CCDC28B: variants seen among roughly 807,000 people sequenced by gnomAD.
CCDC28B encodes coiled-coil domain-containing protein 28B.
CCDC28B carries 17 observed loss-of-function variants against 18.7 expected under a neutral mutation model. The observed-to-expected ratio is 0.91, with a 90% CI of 0.62 to 1.36. The LOEUF (loss-of-function observed/expected upper bound fraction) is 1.36, where lower values mean the gene tolerates loss of function less well. Ranked by LOEUF, CCDC28B falls within the 40% of genes most tolerant of loss-of-function variation. CCDC28B has a pLI of 0.00. For synonymous variants in CCDC28B, 116 were observed against 105.1 expected, an observed-to-expected ratio of 1.10 and a Z score of -0.64; for missense variants, 213 against 251.7, an observed-to-expected ratio of 0.85 and a Z score of 1.04.
upstream of CCDC28B, among the ~76,000 whole-genome samples, chr1:32,199,244 C>T (rs1643094840): frequency 6.6e-6 from 1 of 152,198 alleles, no homozygotes; most frequent in Non-Finnish European, 1.5e-5. Context: ...CAGGCCTCCA[C>T]AAATAGATGT....
intron 5 of CCDC28B, 103 bp downstream of exon 5, chr1:32,204,723 C>T (rs1054656478): frequency 1.2e-6 from 2 of 1,614,056 alleles, no homozygotes; most frequent in Non-Finnish European, 1.7e-6. Context: ...ACTTCCCCAC[C>T]TCTTGCAGTC....
upstream of CCDC28B, chr1:32,197,805 C>T (rs1032484316): frequency 3.3e-5 from 5 of 152,116 alleles, no homozygotes; most frequent in Non-Finnish European, 7.3e-5. The surrounding 1 kb of genome is among the most constrained non-coding windows in gnomAD (Gnocchi z 4.6). Flanking sequence ...TGAGAGGTGT[C>T]AGCAGCACTT....
chr1:32,199,217 C>T (rs1643093500), upstream of CCDC28B, among the ~76,000 whole-genome samples: 1 of 152,190 alleles, frequency 6.6e-6, no homozygotes. Context: ...CAGAGACAAC[C>T]CACCTGCCCT....
intron 2 of CCDC28B, among the ~76,000 whole-genome samples, 187 bp from the exon 3 acceptor site, chr1:32,203,692 C>G (rs1295930938): frequency 6.6e-6 from 1 of 152,186 alleles, no homozygotes; most frequent in Non-Finnish European, 1.5e-5. Context: ...GACCTCTTCA[C>G]GCCTCCTCAC....
chr1:32,202,320 G>A (rs1007021911), intron 2 of CCDC28B: 15 of 695,930 alleles, frequency 2.2e-5, no homozygotes, highest in South Asian at 4.5e-5. Context: ...GTGAGGATTC[G>A]CCTCAGAGGA....
chr1:32,205,137 G>A lies in CCDC28B; in HGVS notation c.549-57G>A. 6.2e-7 allele frequency: 1 copy of A among 1,601,128 alleles called. No homozygotes were observed. The highest frequency in any genetic ancestry group is 8.5e-7 in the Non-Finnish European group (1 of 1,170,694). On this transcript the variant is annotated intron_variant, in intron 5 of 5. Transcript: ENST00000373602. This position sits in a 1 kb window ranked among gnomAD's most constrained non-coding sequence, Gnocchi z 5.6. ...AGGGAACTAAACCTGTGCAAGATGG[G>A]AGACCGGGGTGGGAGGAAGGACTGG...
chr1:32,205,043 G>A lies in CCDC28B; in HGVS notation c.549-151G>A. On this transcript the variant is annotated intron_variant, in intron 5 of 5. Transcript: ENST00000373602. The surrounding 1 kb of genome is among the most constrained non-coding windows in gnomAD (Gnocchi z 5.6). ...ATGAAGAGAGAGGGGGTGAGAGAGG[G>A]CAGGCGGGGACTGCAACCTCAGTCC... 1 of 1,178,886 alleles carries A rather than the reference G, an allele frequency of 8.5e-7. No individual in the cohort carries two copies. Among genetic ancestry groups the A allele is most frequent in the South Asian group, 1.6e-5 (1 of 63,130 alleles). 73.0% of individuals were successfully genotyped at this position (1,178,886 alleles called of 1,614,324 possible).
chr1:32,203,787 G>A (rs1643216556), intron 2 of CCDC28B, 92 bp from the exon 3 acceptor site: 2 of 1,037,348 alleles, frequency 1.9e-6, no homozygotes, highest in Non-Finnish European at 1.4e-6. Context: ...CAGATAGACA[G>A]ATAAACTGGT....
At chr1:32,203,281 A>T (rs1643195977) in intron 2 of CCDC28B, 1 of 151,874 alleles carries the variant, frequency 6.6e-6, no homozygotes, top group Non-Finnish European at 1.5e-5. Context: ...ACACGGTGAA[A>T]CCCCAACTCT....
At position 32,203,796 on chromosome 1, in the gene CCDC28B, G is replaced by C. The variant is rs934683610; in HGVS notation, c.165-83G>C. 2.7e-6 allele frequency: 3 copies of C among 1,111,708 alleles called. No individual in the cohort carries two copies. The African/African-American group carries it at 4.8e-5, about 18-fold the overall frequency. 68.9% of individuals were successfully genotyped at this position (1,111,708 alleles called of 1,614,324 possible). The stretch of plus-strand genomic sequence containing the variant: ...TTAGTGCAGATAGACAGATAAACTG[G>C]TGCATAGGCAGATGGCACAAAAGAT... On this transcript the variant is annotated intron_variant, in intron 2 of 5. Transcript: ENST00000373602.
At chr1:32,203,727 C>T in intron 2 of CCDC28B, 152 bp from the exon 3 acceptor site, 1 of 550,212 alleles carries the variant, frequency 1.8e-6, no homozygotes, top group Non-Finnish European at 2.9e-6. Context: ...CAAGGGGAAC[C>T]ATAAAGTTAC....
At chr1:32,201,616 C>A (rs1643148951) in intron 1 of CCDC28B, 2 of 241,918 alleles carry the variant, frequency 8.3e-6, no homozygotes, top group Non-Finnish European at 1.6e-5. Context: ...GCCCCGCCCC[C>A]CAGCCACCGT....
Position 32,203,981 on chromosome 1 carries a change from T to A in CCDC28B, c.267T>A (p.Tyr89Ter). The change falls in exon 3 of 6, where the codon TAT becomes TAA. Residue 89 changes from tyrosine to a stop codon, truncating the protein, a stop_gained. Transcript: ENST00000373602. LOFTEE classifies it high-confidence loss of function. ...HSFLTEVTDV[Y>*]EMEGGLLNLL... ...TCCTGACCGAGGTGACTGATGTCTA[T>A]GAGATGGAGGGGGGACTCCTGAACC... 1.3e-6 allele frequency: 2 copies of A among 1,574,022 alleles called. No individual in the cohort carries two copies. Among genetic ancestry groups the A allele is most frequent in the Non-Finnish European group, 1.7e-6 (2 of 1,159,684 alleles).
intron 2 of CCDC28B, 148 bp downstream of exon 2, chr1:32,202,247 G>A (rs1557516039): frequency 9.7e-7 from 1 of 1,028,788 alleles, no homozygotes; most frequent in Non-Finnish European, 1.5e-6. Context: ...AGCTCACTCA[G>A]ACCCAGTCCC....
At chr1:32,203,562 G>A (rs892263373) in intron 2 of CCDC28B, among the ~76,000 whole-genome samples, 2 of 152,190 alleles carry the variant, frequency 1.3e-5, no homozygotes, top group Non-Finnish European at 2.9e-5. Context: ...TGAAGACTAG[G>A]GAGGATAAGT....
At chr1:32,204,818 G>A in intron 5 of CCDC28B, 198 bp downstream of exon 5, 2 of 1,572,280 alleles carry the variant, frequency 1.3e-6, no homozygotes, top group African/African-American at 1.4e-5. Context: ...GGTTGTAGGG[G>A]ATGTTTTACT....
intron 2 of CCDC28B, 70 bp downstream of exon 2, chr1:32,202,169 G>A (rs1371252780): frequency 2.5e-6 from 4 of 1,585,488 alleles, no homozygotes; most frequent in African/African-American, 1.3e-5. Context: ...GGAAGGCAAG[G>A]GGGGCCTCCG....
upstream of CCDC28B, chr1:32,198,277 G>GT (rs1643067811): frequency 6.6e-6 from 1 of 152,282 alleles, no homozygotes; most frequent in East Asian, 1.9e-4. Flanking sequence ...TAAAGAGTCT[G>GT]TTGCCTTACT....
In CCDC28B at chr1:32,203,894, G is replaced by A. The variant is rs1295247534; in HGVS notation, c.180G>A (p.Lys60=). Reference sequence around the variant, plus strand: ...CCCCACCCAGAGTAGGCAAAGAGAAGTGCCGCCCAGTCCTGGCTGGAGGTG... The same window carrying A: ...CCCCACCCAGAGTAGGCAAAGAGAAATGCCGCCCAGTCCTGGCTGGAGGTG... ...RAKFKRVGKE[K]CRPVLAGGGS... The change falls in exon 3 of 6, where the codon AAG becomes AAA. Residue 60 remains lysine (K), a synonymous_variant. Coordinates refer to ENST00000373602, the MANE Select transcript of CCDC28B (RefSeq NM_024296.5). 1 of 1,512,740 alleles carries A rather than the reference G, an allele frequency of 6.6e-7. No homozygotes were observed. The highest frequency in any genetic ancestry group is 1.4e-5 in the African/African-American group (1 of 71,516). 93.7% of individuals were successfully genotyped at this position (1,512,740 alleles called of 1,614,324 possible).
Sources: gnomAD v4.1 joint callset for allele counts (sites outside exome capture counted in the v4.1 genomes callset) on GRCh38, gnomAD v4.1.1 for gene constraint, Gnocchi (gnomAD v3.1) non-coding constraint, MANE v1.5 for transcripts, NCBI Gene and HGNC (gene_info 2026-07-23, HGNC 2026-07-21) for gene names.